Variants in PIBF1 observed in about 807,000 individuals in gnomAD.
PIBF1 encodes the protein progesterone immunomodulatory binding factor 1, also known as progesterone-induced-blocking factor 1.
Under a neutral mutation model 112.5 loss-of-function variants are expected in PIBF1, and 90 were observed. That is an observed-to-expected ratio of 0.80 (90% CI 0.67 to 0.95). PIBF1 has a LOEUF of 0.95. Among genes scored for constraint, PIBF1 ranks in the 40% least tolerant of loss-of-function variants. The probability of loss-of-function intolerance (pLI) is 0.00; values close to 1 mark genes in which losing one functional copy is unlikely to be tolerated. For synonymous variants in PIBF1, 301 were observed against 288.6 expected, an observed-to-expected ratio of 1.04 and a Z score of -0.44; for missense variants, 915 against 852.3, an observed-to-expected ratio of 1.07 and a Z score of -0.92.
intron 14 of PIBF1, among the ~76,000 whole-genome samples, chr13:72,932,181 C>T (rs867476149): frequency 4.0e-5 from 6 of 151,866 alleles, no homozygotes; most frequent in African/African-American, 1.2e-4. Flanking sequence ...TGGGCTCAAG[C>T]GATCCACCTG....
Position 72,981,260 on chromosome 13 carries a change from T to A in PIBF1, c.2049+7585T>A, listed in dbSNP as rs989097446. Among the ~76,000 whole-genome samples, 8 of 147,978 alleles carry A rather than the reference T, an allele frequency of 5.4e-5. No homozygotes were observed. The East Asian group carries it at 7.9e-4, about 15-fold the overall frequency. On this transcript the variant is annotated intron_variant, in intron 16 of 17. Coordinates refer to ENST00000326291, the MANE Select transcript of PIBF1 (RefSeq NM_006346.4). ...GAGCAAGACTCTGTCTCAAAAAAAA[T>A]AAAATAAAATAAAATAAATAAATAA...
rs146638369 is a variant in PIBF1 at position 72,898,634 on chromosome 13, C to T, written c.1488+4685C>T. ...GGCGGATCACCTGAGGTTGGGAGTTCGAGTCCAGCCTGACCAACATGGAGA... is the reference window on the plus strand; with the variant it reads ...GGCGGATCACCTGAGGTTGGGAGTTTGAGTCCAGCCTGACCAACATGGAGA... On this transcript the variant is annotated intron_variant, in intron 11 of 17. Transcript: ENST00000326291. 8.0e-3 allele frequency among the ~76,000 whole-genome samples: 1,190 copies of T among 148,424 alleles called. 14 individuals are homozygous for T. The highest frequency in any genetic ancestry group is 0.028 in the African/African-American group (1,117 of 40,178).
chr13:72,793,698 T>G (rs917707830), intron 3 of PIBF1, among the ~76,000 whole-genome samples: 2 of 152,224 alleles, frequency 1.3e-5, no homozygotes, highest in African/African-American at 4.8e-5. Flanking sequence ...GGATTCTGAA[T>G]ATTTTTTGGA....
chr13:72,796,653 T>G (rs537092342), intron 4 of PIBF1, among the ~76,000 whole-genome samples: 1 of 151,812 alleles, frequency 6.6e-6, no homozygotes, highest in East Asian at 1.9e-4. Context: ...TCAGCTGTTT[T>G]TTTTTTTTTT....
chr13:72,848,902 C>G (rs2038001662), intron 9 of PIBF1, among the ~76,000 whole-genome samples: 1 of 151,774 alleles, frequency 6.6e-6, no homozygotes, highest in South Asian at 2.1e-4. Context: ...AACCATACCT[C>G]TTGGTTTGTC....
At chr13:73,013,782 G>C (rs1358448623) in intron 17 of PIBF1, among the ~76,000 whole-genome samples, 1 of 149,582 alleles carries the variant, frequency 6.7e-6, no homozygotes, top group South Asian at 2.2e-4. Context: ...AAAGAAGCCC[G>C]AGGAAAATAA....
At chr13:72,926,580 T>C (rs1053576205) in intron 13 of PIBF1, among the ~76,000 whole-genome samples, 5 of 152,308 alleles carry the variant, frequency 3.3e-5, no homozygotes, top group Non-Finnish European at 7.4e-5. Context: ...TCGTGTTATG[T>C]CTAACCAACT....
At chr13:72,808,687 A>G (rs1387708125) in intron 5 of PIBF1, among the ~76,000 whole-genome samples, 1 of 152,174 alleles carries the variant, frequency 6.6e-6, no homozygotes, top group African/African-American at 2.4e-5. Context: ...AATTACCCAG[A>G]GAATTCAGTT....
rs2038306810 is a variant in PIBF1 at position 72,854,198 on chromosome 13, T to C, written c.1322+43T>C. The C allele has an allele frequency of 2.4e-6, 3 of 1,225,458 alleles. No individual in the cohort carries two copies. In the East Asian group the frequency reaches 7.0e-5, roughly 28 times the overall value. The allele number at this position is 1,225,458 out of a possible 1,614,324, so 75.9% of individuals were successfully genotyped here. A position where few individuals can be genotyped will look rare whatever the true frequency, so the allele number is the denominator to read the frequency against. On this transcript the variant is annotated intron_variant, in intron 10 of 17. Transcript: ENST00000326291. The stretch of plus-strand genomic sequence containing the variant: ...AGAAATGTTAAAACTCTTCCATTAT[T>C]GTTTCTGTTACATATTCTTTTAGAA...
At chr13:72,805,406 T>A (rs778978183) in intron 5 of PIBF1, among the ~76,000 whole-genome samples, 2 of 152,156 alleles carry the variant, frequency 1.3e-5, no homozygotes, top group Non-Finnish European at 2.9e-5. Flanking sequence ...CCTCCCAAAG[T>A]GTTGGGATTA....
At chr13:72,857,407 G>T (rs2038473205) in intron 10 of PIBF1, among the ~76,000 whole-genome samples, 1 of 152,196 alleles carries the variant, frequency 6.6e-6, no homozygotes. Context: ...TGTTGGTGTG[G>T]CATTACTGCC....
At chr13:72,893,051 C>A (rs1161508926) in intron 10 of PIBF1, among the ~76,000 whole-genome samples, 2 of 152,104 alleles carry the variant, frequency 1.3e-5, no homozygotes, top group Non-Finnish European at 2.9e-5. Context: ...TAATATCATA[C>A]CCAGCATTAT....
At chr13:73,001,417 G>C (rs2043861960) in intron 17 of PIBF1, among the ~76,000 whole-genome samples, 1 of 151,944 alleles carries the variant, frequency 6.6e-6, no homozygotes, top group Non-Finnish European at 1.5e-5. Flanking sequence ...GAAAGTATTT[G>C]CTATAGGTAT....
At chr13:72,964,633 A>G (rs1314536956) in intron 14 of PIBF1, among the ~76,000 whole-genome samples, 1 of 152,224 alleles carries the variant, frequency 6.6e-6, no homozygotes, top group Non-Finnish European at 1.5e-5. Flanking sequence ...TAAAGCTGAA[A>G]TAAAAGAGTT....
intron 11 of PIBF1, among the ~76,000 whole-genome samples, chr13:72,899,263 AATTC>A (rs1193319921): frequency 6.6e-6 from 1 of 152,172 alleles, no homozygotes; most frequent in Non-Finnish European, 1.5e-5. Context: ...AACCCTCCCT[AATTC>A]ATTCTATAAA....
At chr13:72,859,370 A>G (rs1284886640) in intron 10 of PIBF1, among the ~76,000 whole-genome samples, 2 of 152,140 alleles carry the variant, frequency 1.3e-5, no homozygotes, top group Non-Finnish European at 2.9e-5. Flanking sequence ...TATGGGAGCA[A>G]TTCAAGGCCA....
chr13:72,911,607 AC>A (rs1177871489), intron 12 of PIBF1, among the ~76,000 whole-genome samples: 2 of 152,120 alleles, frequency 1.3e-5, no homozygotes, highest in Admixed American at 6.6e-5. Flanking sequence ...TAAAAGAAAA[AC>A]TGATAAAGTA....
In PIBF1 at chr13:72,931,943, T is replaced by C. The variant is rs568450241; in HGVS notation, c.1833+676T>C. The stretch of plus-strand genomic sequence containing the variant: ...GTTTTTTTCTTTGTTTCTTTCTTTT[T>C]TTTTTTTTTTTTTTCTGAGACAGGG... On this transcript the variant is annotated intron_variant, in intron 14 of 17. Coordinates refer to ENST00000326291, the MANE Select transcript of PIBF1 (RefSeq NM_006346.4). 2.1e-3 allele frequency among the ~76,000 whole-genome samples: 298 copies of C among 144,138 alleles called. 2 individuals are homozygous for C. Among genetic ancestry groups the C allele is most frequent in the African/African-American group, 5.2e-3 (204 of 39,494 alleles). The allele number at this position is 144,138 out of a possible 152,430, so 94.6% of individuals were successfully genotyped here. A position where few individuals can be genotyped will look rare whatever the true frequency, so the allele number is the denominator to read the frequency against.
At chr13:72,999,708 GA>G (rs2043794990) in intron 17 of PIBF1, among the ~76,000 whole-genome samples, 1 of 152,182 alleles carries the variant, frequency 6.6e-6, no homozygotes, top group Admixed American at 6.6e-5. Flanking sequence ...GGATGAAAGA[GA>G]TTTTTTAGTG....
Sources: gnomAD v4.1 joint callset for allele counts (sites outside exome capture counted in the v4.1 genomes callset) on GRCh38, gnomAD v4.1.1 for gene constraint, MANE v1.5 for transcripts, NCBI Gene and HGNC (gene_info 2026-07-23, HGNC 2026-07-21) for gene names.